Variants in CTXND2 observed in about 807,000 individuals in gnomAD.
CTXND2 encodes cortexin domain containing 2.
chr1:150,892,776 A>G (rs1668869760), intron 1 of CTXND2, among the ~76,000 whole-genome samples: 1 of 151,916 alleles, frequency 6.6e-6, no homozygotes, highest in Non-Finnish European at 1.5e-5. Flanking sequence ...TGACCTCAGG[A>G]GATCTGTCAG....
At chr1:150,908,143 C>T (rs1311395129) in intron 1 of CTXND2, among the ~76,000 whole-genome samples, 1 of 151,904 alleles carries the variant, frequency 6.6e-6, no homozygotes, top group African/African-American at 2.4e-5. Context: ...GCTGGGATTA[C>T]AGGTGTGCGC....
At chr1:150,912,935 T>A (rs1669281284) in exon 2 of CTXND2, 1 of 152,306 alleles carries the variant, frequency 6.6e-6, no homozygotes, top group Non-Finnish European at 1.5e-5. Flanking sequence ...AAATCTGCTG[T>A]TCTTAAGTGG....
chr1:150,905,383 A>AT (rs34517096), intron 1 of CTXND2, among the ~76,000 whole-genome samples: 53,543 of 151,300 alleles, frequency 0.35, 9,826 homozygotes, highest in South Asian at 0.53. Flanking sequence ...ACCTCAGGTG[A>AT]TCCCCCCCAA....
chr1:150,891,168 A>G (rs1668844951), intron 1 of CTXND2, among the ~76,000 whole-genome samples: 1 of 151,718 alleles, frequency 6.6e-6, no homozygotes. Context: ...TTCTTGCCTC[A>G]TGTACGCTAC....
intron 1 of CTXND2, among the ~76,000 whole-genome samples, chr1:150,911,036 C>A (rs1453844370): frequency 1.3e-5 from 2 of 152,042 alleles, no homozygotes; most frequent in Non-Finnish European, 2.9e-5. Context: ...GATCTCCTGA[C>A]CTCATAATCC....
intron 1 of CTXND2, among the ~76,000 whole-genome samples, chr1:150,908,011 CTTTT>C: frequency 8.3e-6 from 1 of 120,400 alleles, no homozygotes; most frequent in Middle Eastern, 6.9e-3. Context: ...GCCCAGCCAG[CTTTT>C]TTTTTTTTTT....
chr1:150,899,822 T>C (rs1359364564), intron 1 of CTXND2, among the ~76,000 whole-genome samples: 4 of 152,162 alleles, frequency 2.6e-5, no homozygotes, highest in Non-Finnish European at 4.4e-5. Flanking sequence ...CCAGGTGTGA[T>C]AGTGAGACAT....
intron 1 of CTXND2, among the ~76,000 whole-genome samples, chr1:150,910,992 G>C (rs1376194286): frequency 1.3e-5 from 2 of 152,002 alleles, no homozygotes; most frequent in East Asian, 3.9e-4. Context: ...TTTTAGTAGA[G>C]ACGGGGTTTT....
chr1:150,900,780 T>C (rs766693237), intron 1 of CTXND2, among the ~76,000 whole-genome samples: 1 of 152,050 alleles, frequency 6.6e-6, no homozygotes. Flanking sequence ...ACACATTCAA[T>C]AGAAAAAGAG....
chr1:150,889,957 T>C (rs370059315), intron 1 of CTXND2, among the ~76,000 whole-genome samples: 1 of 152,204 alleles, frequency 6.6e-6, no homozygotes, highest in Non-Finnish European at 1.5e-5. Context: ...GCTCCCAAAA[T>C]GTTTATCTGC....
intron 1 of CTXND2, among the ~76,000 whole-genome samples, chr1:150,900,917 C>T (rs1669011032): frequency 6.6e-6 from 1 of 152,240 alleles, no homozygotes; most frequent in Admixed American, 6.5e-5. Flanking sequence ...GAGTTCGAGA[C>T]CAGCTTGGGC....
At chr1:150,908,261 T>G (rs1000600159) in intron 1 of CTXND2, among the ~76,000 whole-genome samples, 1 of 147,342 alleles carries the variant, frequency 6.8e-6, no homozygotes. Context: ...CCACCTTGGC[T>G]GCCCAAAGTG....
chr1:150,890,611 A>C (rs759976976), intron 1 of CTXND2, among the ~76,000 whole-genome samples: 2 of 151,954 alleles, frequency 1.3e-5, no homozygotes, highest in Non-Finnish European at 2.9e-5. Flanking sequence ...TCAAGCGATT[A>C]TCCTGCCTCA....
chr1:150,893,870 T>G (rs1419573661), intron 1 of CTXND2, among the ~76,000 whole-genome samples: 1 of 152,182 alleles, frequency 6.6e-6, no homozygotes, highest in Non-Finnish European at 1.5e-5. Flanking sequence ...AAGGTCTGAT[T>G]GCAAAAATTC....
chr1:150,909,105 G>A (rs1018638844), intron 1 of CTXND2, among the ~76,000 whole-genome samples: 1 of 151,570 alleles, frequency 6.6e-6, no homozygotes, highest in Non-Finnish European at 1.5e-5. Flanking sequence ...CGGGCATGGT[G>A]GGGGCGCCTA....
exon 2 of CTXND2, chr1:150,912,250 C>G (rs1669268279): frequency 2.5e-6 from 1 of 398,188 alleles, no homozygotes; most frequent in South Asian, 1.3e-4. Flanking sequence ...AGGAATATGA[C>G]AAATCTGAAG....
chr1:150,892,037 A>T (rs1333493260), intron 1 of CTXND2, among the ~76,000 whole-genome samples: 1 of 152,240 alleles, frequency 6.6e-6, no homozygotes, highest in Admixed American at 6.5e-5. Context: ...ATGAAAGGAA[A>T]TCAAAGAAAG....
intron 1 of CTXND2, among the ~76,000 whole-genome samples, chr1:150,893,998 A>G (rs1417629243): frequency 1.3e-5 from 2 of 150,732 alleles, no homozygotes; most frequent in African/African-American, 4.9e-5. Flanking sequence ...TTTTTTAACC[A>G]GAGATGGGGG....
At chr1:150,903,858 A>T in intron 1 of CTXND2, 1 of 549,828 alleles carries the variant, frequency 1.8e-6, no homozygotes, top group Non-Finnish European at 3.5e-6. Flanking sequence ...TCAGAGTGGT[A>T]ACCTACGTTG....
Sources: gnomAD v4.1 joint callset for allele counts (sites outside exome capture counted in the v4.1 genomes callset) on GRCh38, gnomAD v4.1.1 for gene constraint, MANE v1.5 for transcripts, NCBI Gene and HGNC (gene_info 2026-07-23, HGNC 2026-07-21) for gene names.